The following TPX2 variants were observed in gnomAD, a reference collection of about 807,000 sequenced individuals.
TPX2 encodes TPX2 microtubule nucleation factor, also known as targeting protein for Xklp2.
Under a neutral mutation model 93.6 loss-of-function variants are expected in TPX2, and 21 were observed. The observed-to-expected ratio is 0.22, with a 90% CI of 0.16 to 0.32. The LOEUF (loss-of-function observed/expected upper bound fraction) is 0.32, where lower values mean the gene tolerates loss of function less well. Among genes scored for constraint, TPX2 ranks in the 10% least tolerant of loss-of-function variants. The probability of loss-of-function intolerance (pLI) is 1.00; values close to 1 mark genes in which losing one functional copy is unlikely to be tolerated. For synonymous variants in TPX2, 281 were observed against 298.3 expected (o/e 0.94, Z 0.60); for missense variants, 776 against 871.1 (o/e 0.89, Z 1.37).
chr20:31,770,348 C>T lies in TPX2; in HGVS notation c.362C>T (p.Ser121Phe). The change falls in exon 6 of 18, where the codon TCT becomes TTT. Residue 121 changes from serine to phenylalanine, a missense_variant. Physicochemically the swap from Ser to Phe is radical, Grantham distance 155. This residue lies in a region of TPX2 where 279 missense variants were observed against 261.6 expected (regional missense o/e 1.07). Transcript: ENST00000300403. Reference sequence around the variant, plus strand: ...TGTCAATTTCTCTACCATAGAAGATCTCTTAGGCTTTCTGCTCAGAAGGAT... The same window carrying T: ...TGTCAATTTCTCTACCATAGAAGATTTCTTAGGCTTTCTGCTCAGAAGGAT... ...RKTPAQPQRR[S>F]LRLSAQKDLE... 6.3e-7 allele frequency: 1 copy of T among 1,578,912 alleles called. No individual in the cohort carries two copies.
At chr20:31,764,997 C>T (rs563220006) in intron 4 of TPX2, among the ~76,000 whole-genome samples, 1 of 151,070 alleles carries the variant, frequency 6.6e-6, no homozygotes, top group South Asian at 2.1e-4. Context: ...GTGTGTCACC[C>T]CATCTATAGA....
At chr20:31,746,204 A>G (rs2061782930) in intron 2 of TPX2, among the ~76,000 whole-genome samples, 1 of 152,212 alleles carries the variant, frequency 6.6e-6, no homozygotes, top group Non-Finnish European at 1.5e-5. Context: ...GAAGTTAGCA[A>G]ACATAAATGT....
Position 31,757,544 on chromosome 20 carries a change from A to T in TPX2, c.68A>T (p.Asp23Val), listed in dbSNP as rs1235189026. 2 of 1,613,954 alleles carry T rather than the reference A, an allele frequency of 1.2e-6. No homozygotes were observed. The highest frequency in any genetic ancestry group is 1.7e-6 in the Non-Finnish European group (2 of 1,180,000). The part of the protein sequence containing the change: ...PSDFINFSSL[D>V]DEGDTQNIDS... ...GATTTCATCAATTTTTCATCCTTGGATGATGAAGGAGATACTCAAAACATA... is the reference window on the plus strand; with the variant it reads ...GATTTCATCAATTTTTCATCCTTGGTTGATGAAGGAGATACTCAAAACATA... The change falls in exon 3 of 18, where the codon GAT becomes GTT. Residue 23 changes from aspartate (D) to valine (V), a missense_variant. This residue lies in a region of TPX2 where 36 missense variants were observed against 58.3 expected (regional missense o/e 0.62). Transcript: ENST00000300403.
At chr20:31,760,673 T>A (rs985895803) in intron 4 of TPX2, among the ~76,000 whole-genome samples, 1 of 152,142 alleles carries the variant, frequency 6.6e-6, no homozygotes, top group East Asian at 1.9e-4. Context: ...AACATAGAAT[T>A]TTATTGCCAG....
chr20:31,756,631 TA>T (rs1276065152), intron 2 of TPX2, among the ~76,000 whole-genome samples: 3 of 152,006 alleles, frequency 2.0e-5, no homozygotes, highest in African/African-American at 7.2e-5. Context: ...TATTTATTAT[TA>T]TTTTTTTTGA....
chr20:31,799,706 C>T (rs1482368690), intron 17 of TPX2, among the ~76,000 whole-genome samples: 1 of 151,822 alleles, frequency 6.6e-6, no homozygotes, highest in Non-Finnish European at 1.5e-5. Context: ...TGGAGACCAG[C>T]CTGGCCAAAA....
At chr20:31,777,884 C>A (rs535247251) in intron 9 of TPX2, among the ~76,000 whole-genome samples, 1 of 151,562 alleles carries the variant, frequency 6.6e-6, no homozygotes, top group Non-Finnish European at 1.5e-5. Context: ...TCAAGTAATT[C>A]TCCTGCCTCA....
chr20:31,777,381 G>C, intron 8 of TPX2, 106 bp from the exon 9 acceptor site: 3 of 1,397,836 alleles, frequency 2.1e-6, no homozygotes, highest in Non-Finnish European at 2.9e-6. Context: ...AGTAAGCAAA[G>C]TTAGATCCAT....
At chr20:31,775,052 C>T (rs550206779) in intron 7 of TPX2, among the ~76,000 whole-genome samples, 5 of 152,116 alleles carry the variant, frequency 3.3e-5, no homozygotes, top group Middle Eastern at 3.4e-3. Context: ...CTCCACCTCC[C>T]GGGTTCTAGC....
intron 2 of TPX2, among the ~76,000 whole-genome samples, chr20:31,747,535 G>T (rs1370065910): frequency 1.3e-5 from 2 of 152,126 alleles, no homozygotes; most frequent in Admixed American, 1.3e-4. Context: ...CACGATGGAT[G>T]GCATTGAATA....
intron 7 of TPX2, among the ~76,000 whole-genome samples, chr20:31,773,406 C>T (rs1423706442): frequency 6.8e-6 from 1 of 146,876 alleles, no homozygotes; most frequent in Admixed American, 6.7e-5. Context: ...CTGCCTCAGC[C>T]TCCCAAAGTG....
chr20:31,742,252 A>T (rs1423824594), intron 1 of TPX2, among the ~76,000 whole-genome samples: 2 of 146,114 alleles, frequency 1.4e-5, no homozygotes, highest in Non-Finnish European at 3.0e-5. Context: ...ATCTTGGCTC[A>T]CTGAAGCTTC....
chr20:31,771,154 G>A (rs1311240811), intron 6 of TPX2, among the ~76,000 whole-genome samples: 3 of 152,196 alleles, frequency 2.0e-5, no homozygotes, highest in African/African-American at 2.4e-5. Context: ...CCTAGTTGCA[G>A]TAGAGGCTGT....
At chr20:31,760,656 G>A (rs543109349) in intron 4 of TPX2, among the ~76,000 whole-genome samples, 6 of 152,162 alleles carry the variant, frequency 3.9e-5, no homozygotes, top group African/African-American at 1.2e-4. Context: ...TACTGTTCCC[G>A]GGGGCTAACA....
intron 2 of TPX2, among the ~76,000 whole-genome samples, chr20:31,743,907 G>T (rs1008587835): frequency 6.6e-6 from 1 of 151,620 alleles, no homozygotes. Context: ...TTTTAACAGA[G>T]ATGGGGTTTC....
Position 31,777,654 on chromosome 20 carries a change from A to G in TPX2, c.882+16A>G, listed in dbSNP as rs2062009621. 1 of 1,608,630 alleles carries G rather than the reference A, an allele frequency of 6.2e-7. No homozygotes were observed. The highest frequency in any genetic ancestry group is 1.3e-5 in the African/African-American group (1 of 74,962). ...TTCATCTCCTGTAAGTTGATGGACT[A>G]AATGAACATTTCTGTTACTAATATT... On this transcript the variant is annotated intron_variant, in intron 9 of 17. Coordinates refer to ENST00000300403, the MANE Select transcript of TPX2 (RefSeq NM_012112.5).
chr20:31,744,450 C>T (rs2061772322), intron 2 of TPX2, among the ~76,000 whole-genome samples: 1 of 152,016 alleles, frequency 6.6e-6, no homozygotes, highest in Non-Finnish European at 1.5e-5. Flanking sequence ...AGCCACCACG[C>T]CCGGCCTCTA....
At position 31,767,232 on chromosome 20, in the gene TPX2, G is replaced by A. The variant is rs920146911; in HGVS notation, c.356+550G>A. On this transcript the variant is annotated intron_variant, in intron 5 of 17. Transcript: ENST00000300403. The stretch of plus-strand genomic sequence containing the variant: ...ATAGATAAGGTCTCAGAGATACTAA[G>A]TTGCTTGCTTAAGGCAAGTTTATTT... 3.3e-5 allele frequency among the ~76,000 whole-genome samples: 5 copies of A among 152,282 alleles called. No homozygotes were observed. The East Asian group carries it at 7.7e-4, about 23-fold the overall frequency.
At chr20:31,773,426 C>T (rs1186329828) in intron 7 of TPX2, among the ~76,000 whole-genome samples, 3 of 146,456 alleles carry the variant, frequency 2.0e-5, no homozygotes, top group African/African-American at 7.3e-5. Flanking sequence ...GCTGGGATTA[C>T]AGGTGTGAGC....
Sources: gnomAD v4.1 joint callset for allele counts (sites outside exome capture counted in the v4.1 genomes callset) on GRCh38, gnomAD v4.1.1 for gene constraint, gnomAD v4.1.1 regional missense constraint, MANE v1.5 for transcripts, NCBI Gene and HGNC (gene_info 2026-07-23, HGNC 2026-07-21) for gene names.